The following RGS3 variants were observed in gnomAD, a reference collection of about 807,000 sequenced individuals.
RGS3 encodes regulator of G protein signaling 3.
A neutral mutation model predicts 132.6 loss-of-function variants in RGS3; 80 were observed. The observed-to-expected ratio is 0.60, with a 90% CI of 0.50 to 0.73. The LOEUF (loss-of-function observed/expected upper bound fraction) is 0.73, where lower values mean the gene tolerates loss of function less well. RGS3 is among the 30% of genes least tolerant of loss of function. The pLI is 0.00. For synonymous variants in RGS3, 598 were observed against 620.6 expected (o/e 0.96, Z 0.54); for missense variants, 1,382 against 1,530.8 (o/e 0.90, Z 1.62).
intron 19 of RGS3, chr9:113,542,083 A>C (rs1337224009): frequency 1.3e-5 from 2 of 157,356 alleles, no homozygotes; most frequent in African/African-American, 4.8e-5. Context: ...AGATTTCTTT[A>C]AGAGGGAATT....
At chr9:113,585,833 C>T (rs1000848256) in intron 20 of RGS3, among the ~76,000 whole-genome samples, 1 of 152,226 alleles carries the variant, frequency 6.6e-6, no homozygotes, top group Non-Finnish European at 1.5e-5. Flanking sequence ...GGCAGACTTA[C>T]CTTCTGGGGA....
At chr9:113,577,964 TAG>T (rs1834609268) in intron 19 of RGS3, among the ~76,000 whole-genome samples, 1 of 152,270 alleles carries the variant, frequency 6.6e-6, no homozygotes, top group African/African-American at 2.4e-5. Context: ...GCACAGAGCC[TAG>T]AACAGTGTCT....
intron 3 of RGS3, 130 bp downstream of exon 1, chr9:113,464,011 C>T: frequency 2.2e-6 from 2 of 927,584 alleles, no homozygotes; most frequent in Non-Finnish European, 3.2e-6. Context: ...CCTTCTCTGG[C>T]CCCTTTCTCC....
chr9:113,543,224 G>A (rs1243355427), intron 19 of RGS3, among the ~76,000 whole-genome samples: 1 of 152,262 alleles, frequency 6.6e-6, no homozygotes, highest in Non-Finnish European at 1.5e-5. Context: ...CATTCTTTGT[G>A]TTGTGTAAGA....
rs1564487235 is a variant in RGS3 at position 113,497,328 on chromosome 9, G to A, written c.765G>A (p.Trp255Ter). 1 of 1,612,822 alleles carries A rather than the reference G, an allele frequency of 6.2e-7. No homozygotes were observed. Among genetic ancestry groups the A allele is most frequent in the Admixed American group, 1.7e-5 (1 of 59,980 alleles). Residue 255 changes from tryptophan to a stop codon, truncating the protein, a stop_gained, in exon 9 of 25, where the codon TGG becomes TGA. Transcript: ENST00000350696. LOFTEE classifies it high-confidence loss of function. ...TCTCGTGACAGGAGATCAGTGGTTG[G>A]TACTACCTCCTAGGGGAGCACCTGG... is the stretch of plus-strand genomic sequence containing the variant.
exon 8 of RGS3, chr9:113,495,801 T>C: frequency 1.9e-6 from 3 of 1,614,134 alleles, no homozygotes; most frequent in Non-Finnish European, 2.5e-6. Flanking sequence ...GTGGACTCAT[T>C]GGCTGCATGA....
chr9:113,463,982 C>T lies in RGS3; in HGVS notation c.415+1781C>T. On this transcript the variant is annotated intron_variant, in intron 3 of 24. Transcript: ENST00000350696. The surrounding 1 kb of genome is among the most constrained non-coding windows in gnomAD (Gnocchi z 4.6). ...TGACAGGGGAGGCTGGGAGCAGGTG[C>T]TCTTTCTATCTAGGGGCACCTTCTC... 3 of 1,256,892 alleles carry T rather than the reference C, an allele frequency of 2.4e-6. No homozygotes were observed. The highest frequency in any genetic ancestry group is 2.2e-6 in the Non-Finnish European group (2 of 894,032). 77.9% of individuals were successfully genotyped at this position (1,256,892 alleles called of 1,614,324 possible).
intron 6 of RGS3, among the ~76,000 whole-genome samples, chr9:113,485,189 G>A (rs1052764912): frequency 1.3e-5 from 2 of 152,032 alleles, no homozygotes; most frequent in African/African-American, 2.4e-5. Context: ...CTGGGTTCAC[G>A]CCATTCTCCT....
chr9:113,541,498 C>A, intron 19 of RGS3: 2 of 1,577,544 alleles, frequency 1.3e-6, no homozygotes, highest in Non-Finnish European at 1.7e-6. Context: ...CACACAGTAA[C>A]CTCACCTCAA....
chr9:113,496,646 G>A (rs1407484056), intron 8 of RGS3, among the ~76,000 whole-genome samples: 1 of 151,936 alleles, frequency 6.6e-6, no homozygotes, highest in African/African-American at 2.4e-5. Flanking sequence ...CGCCTCCCAG[G>A]TTCAAGCAAT....
At chr9:113,568,665 TTTG>T (rs1251595001) in intron 19 of RGS3, among the ~76,000 whole-genome samples, 32 of 151,912 alleles carry the variant, frequency 2.1e-4, no homozygotes, top group African/African-American at 7.5e-4. Flanking sequence ...AGCTGGGAGG[TTTG>T]TTGTTGTTTG....
At chr9:113,464,266 G>T (rs572912897) in intron 3 of RGS3, among the ~76,000 whole-genome samples, 3 of 152,346 alleles carry the variant, frequency 2.0e-5, no homozygotes, top group South Asian at 2.1e-4. Context: ...CTTTCCTTTG[G>T]CTCAGGGAGC....
chr9:113,523,074 C>T (rs758543848), intron 17 of RGS3, 33 bp downstream of exon 15: 2 of 1,398,766 alleles, frequency 1.4e-6, no homozygotes, highest in South Asian at 1.2e-5. Flanking sequence ...CAGAGCCCCT[C>T]TCAACTTGCC....
chr9:113,447,599 C>T (rs1430240363), intron 1 of RGS3, among the ~76,000 whole-genome samples: 2 of 151,484 alleles, frequency 1.3e-5, no homozygotes, highest in Non-Finnish European at 2.9e-5. Context: ...TTTATTTGCT[C>T]ATTCATTTAT....
chr9:113,552,879 T>G (rs113280317), intron 19 of RGS3, among the ~76,000 whole-genome samples: 1 of 152,352 alleles, frequency 6.6e-6, no homozygotes, highest in African/African-American at 2.4e-5. Flanking sequence ...AAGTTTTAAT[T>G]TATATTACAA....
chr9:113,477,029 C>T (rs1830013763), intron 3 of RGS3, among the ~76,000 whole-genome samples: 1 of 152,148 alleles, frequency 6.6e-6, no homozygotes, highest in African/African-American at 2.4e-5. Context: ...TGCCTGTTTC[C>T]AAACCTCTCT....
intron 19 of RGS3, among the ~76,000 whole-genome samples, chr9:113,553,357 C>T (rs1471587017): frequency 3.4e-5 from 5 of 146,050 alleles, no homozygotes; most frequent in African/African-American, 5.1e-5. Flanking sequence ...GTGGGAGGAT[C>T]GCTTGAGCCT....
chr9:113,513,498 CACA>C (rs967228158), intron 14 of RGS3, among the ~76,000 whole-genome samples: 1 of 152,328 alleles, frequency 6.6e-6, no homozygotes, highest in East Asian at 1.9e-4. Flanking sequence ...GTGGAGAAAT[CACA>C]ACAACGAAAC....
At chr9:113,478,988 T>C (rs955611905) in intron 3 of RGS3, 2 of 163,636 alleles carry the variant, frequency 1.2e-5, no homozygotes, top group African/African-American at 4.8e-5. Flanking sequence ...CAGTTTTTCC[T>C]TAAACAATGC....
Sources: gnomAD v4.1 joint callset for allele counts (sites outside exome capture counted in the v4.1 genomes callset) on GRCh38, gnomAD v4.1.1 for gene constraint, Gnocchi (gnomAD v3.1) non-coding constraint, MANE v1.5 for transcripts, NCBI Gene and HGNC (gene_info 2026-07-23, HGNC 2026-07-21) for gene names.